Variants in RAB11B observed in about 807,000 individuals in gnomAD.
RAB11B encodes the protein ras-related protein Rab-11B.
Under a neutral mutation model 23.7 loss-of-function variants are expected in RAB11B, and 7 were observed. The observed-to-expected ratio is 0.29, with a 90% CI of 0.17 to 0.55. The LOEUF (loss-of-function observed/expected upper bound fraction) is 0.55, where lower values mean the gene tolerates loss of function less well. Among genes scored for constraint, RAB11B ranks in the 20% least tolerant of loss-of-function variants. The probability of loss-of-function intolerance (pLI) is 0.93; values close to 1 mark genes in which losing one functional copy is unlikely to be tolerated. For missense variants in RAB11B, 189 were observed against 320.0 expected (o/e 0.59, Z 3.12); for synonymous variants, 138 against 132.0 (o/e 1.05, Z -0.31).
chr19:8,392,685 CTTTTTTTT>C (rs74176644), intron 1 of RAB11B, among the ~76,000 whole-genome samples: 35 of 79,666 alleles, frequency 4.4e-4, no homozygotes, highest in African/African-American at 1.5e-3. Context: ...TTTTTCTTTT[CTTTTTTTT>C]TTTTTTTTTT....
Position 8,402,161 on chromosome 19 carries a change from C to T in RAB11B, c.312C>T (p.Arg104=). ...ACCTGACCTATGAGAACGTGGAGCG[C>T]TGGCTGAAGGAGCTGCGGGACCACG... is the stretch of plus-strand genomic sequence containing the variant. ...AKHLTYENVE[R]WLKELRDHAD... Residue 104 remains arginine, a synonymous_variant, in exon 3 of 5, where the codon CGC becomes CGT. Coordinates refer to ENST00000328024, the MANE Select transcript of RAB11B (RefSeq NM_004218.4). 1.2e-6 allele frequency: 2 copies of T among 1,607,044 alleles called. No homozygotes were observed. Among genetic ancestry groups the T allele is most frequent in the South Asian group, 1.1e-5 (1 of 89,670 alleles).
rs374700682 is a variant in RAB11B at position 8,393,532 on chromosome 19, C to G, written c.40+3076C>G. 1.9e-4 allele frequency among the ~76,000 whole-genome samples: 29 copies of G among 152,348 alleles called. No individual in the cohort carries two copies. In the East Asian group the frequency reaches 5.0e-3, roughly 26 times the overall value. The stretch of plus-strand genomic sequence containing the variant: ...GGCTCCTGAGGCAGCTCCCAGCCCT[C>G]AAGCCTGGGCAGACCTCACAGTGGG... On this transcript the variant is annotated intron_variant, in intron 1 of 4. Coordinates refer to ENST00000328024, the MANE Select transcript of RAB11B (RefSeq NM_004218.4).
chr19:8,402,162 T>C lies in RAB11B; in HGVS notation c.313T>C (p.Trp105Arg). 6.2e-7 allele frequency: 1 copy of C among 1,606,940 alleles called. No individual in the cohort carries two copies. Among genetic ancestry groups the C allele is most frequent in the Non-Finnish European group, 8.5e-7 (1 of 1,176,836 alleles). Residue 105 changes from tryptophan (W) to arginine (R), a missense_variant, in exon 3 of 5, where the codon TGG (tryptophan) becomes CGG (arginine). This residue lies in a region of RAB11B where 122 missense variants were observed against 170.8 expected (regional missense o/e 0.71). Coordinates refer to ENST00000328024, the MANE Select transcript of RAB11B (RefSeq NM_004218.4). ...CCTGACCTATGAGAACGTGGAGCGC[T>C]GGCTGAAGGAGCTGCGGGACCACGC... The part of the protein sequence containing the change: ...KHLTYENVER[W>R]LKELRDHADS...
intron 4 of RAB11B, 104 bp from the exon 5 acceptor site, chr19:8,403,309 G>A: frequency 7.0e-7 from 1 of 1,424,176 alleles, no homozygotes; most frequent in Non-Finnish European, 9.6e-7. Context: ...TGGGGGCGCT[G>A]TGGGGGTCTG....
rs539911756 is a variant in RAB11B at position 8,396,096 on chromosome 19, C to T, written c.41-3767C>T. 2.6e-5 allele frequency among the ~76,000 whole-genome samples: 4 copies of T among 152,202 alleles called. No homozygotes were observed. The highest frequency in any genetic ancestry group is 6.5e-5 in the Admixed American group (1 of 15,288). ...AAAAATGGGCTACAGGAGGCTTCTG[C>T]GAAGTAACGCACATCAAGAGCTTTG... is the stretch of plus-strand genomic sequence containing the variant. On this transcript the variant is annotated intron_variant, in intron 1 of 4. Transcript: ENST00000328024. This position sits in a 1 kb window ranked among gnomAD's most constrained non-coding sequence, Gnocchi z 5.0.
intron 1 of RAB11B, among the ~76,000 whole-genome samples, chr19:8,391,694 T>G (rs886503332): frequency 1.3e-5 from 2 of 152,114 alleles, no homozygotes; most frequent in African/African-American, 4.8e-5. Context: ...GCACATCAGC[T>G]GTTGGTATCC....
chr19:8,390,759 G>C (rs568918353), intron 1 of RAB11B: 1 of 322,786 alleles, frequency 3.1e-6, no homozygotes, highest in East Asian at 4.9e-5. Flanking sequence ...GGCCTCCGCA[G>C]GGGGTGGAGC....
chr19:8,395,650 T>G (rs2913973), intron 1 of RAB11B, among the ~76,000 whole-genome samples: 108,927 of 152,012 alleles, frequency 0.72, 39,403 homozygotes, highest in African/African-American at 0.74. Flanking sequence ...CTTAGGTCTT[T>G]CACGCCAGGC....
At chr19:8,390,570 C>A in intron 1 of RAB11B, 114 bp downstream of exon 1, 1 of 1,186,744 alleles carries the variant, frequency 8.4e-7, no homozygotes, top group Non-Finnish European at 1.1e-6. Context: ...GCTTGGGGCC[C>A]GGCGGGTCAG....
At chr19:8,397,887 G>A (rs996530254) in intron 1 of RAB11B, among the ~76,000 whole-genome samples, 3 of 152,088 alleles carry the variant, frequency 2.0e-5, no homozygotes, top group Non-Finnish European at 4.4e-5. Context: ...CTCAGTGGAT[G>A]CCCCCTAACT....
At chr19:8,399,723 C>A in intron 1 of RAB11B, 140 bp from the exon 2 acceptor site, 1 of 917,878 alleles carries the variant, frequency 1.1e-6, no homozygotes, top group Non-Finnish European at 1.7e-6. Flanking sequence ...TGCCTGCAGG[C>A]CCTGGGCTCC....
intron 1 of RAB11B, among the ~76,000 whole-genome samples, chr19:8,393,687 C>T (rs1054925145): frequency 4.6e-5 from 7 of 152,150 alleles, no homozygotes; most frequent in South Asian, 2.1e-4. Flanking sequence ...CCCCCAGTGC[C>T]GGTCCCTGGG....
intron 1 of RAB11B, among the ~76,000 whole-genome samples, chr19:8,394,861 C>T (rs1035400996): frequency 2.6e-5 from 4 of 152,184 alleles, no homozygotes; most frequent in African/African-American, 7.2e-5. Flanking sequence ...ACTCAGGAGG[C>T]GGAGAGTACA....
At chr19:8,399,755 C>A in intron 1 of RAB11B, 108 bp from the exon 2 acceptor site, 1 of 1,293,092 alleles carries the variant, frequency 7.7e-7, no homozygotes, top group Non-Finnish European at 1.1e-6. Context: ...GACTCCTCCA[C>A]ACCGTTGGCA....
intron 4 of RAB11B, chr19:8,402,885 A>C: frequency 2.1e-6 from 1 of 472,440 alleles, no homozygotes; most frequent in Non-Finnish European, 3.7e-6. Flanking sequence ...TTGATCTCGA[A>C]CTCCTGGGCT....
intron 1 of RAB11B, among the ~76,000 whole-genome samples, chr19:8,397,697 G>A (rs1178249105): frequency 6.6e-6 from 1 of 152,108 alleles, no homozygotes; most frequent in Non-Finnish European, 1.5e-5. Flanking sequence ...AGTGTGGCCA[G>A]GGGAAGGGCA....
At chr19:8,395,267 CT>C (rs1971387695) in intron 1 of RAB11B, among the ~76,000 whole-genome samples, 1 of 130,156 alleles carries the variant, frequency 7.7e-6, no homozygotes, top group African/African-American at 3.0e-5. Context: ...CTCTTTCCAT[CT>C]TTCTTTTTTT....
Position 8,403,733 on chromosome 19 carries a change from C to T in RAB11B, c.*175C>T. 3 of 905,020 alleles carry T rather than the reference C, an allele frequency of 3.3e-6. No homozygotes were observed. The highest frequency in any genetic ancestry group is 2.1e-5 in the South Asian group (1 of 47,804). The allele number at this position is 905,020 out of a possible 1,614,324, so 56.1% of individuals were successfully genotyped here. A position where few individuals can be genotyped will look rare whatever the true frequency, so the allele number is the denominator to read the frequency against. ...GGAGCCAGTGCTACCCCGTCCTGCC[C>T]GGGGAAAAGCTAGAAGCCCCGGTTT... On this transcript the variant is annotated 3_prime_UTR_variant, in exon 5 of 5. Transcript: ENST00000328024.
At chr19:8,402,875 T>C in intron 4 of RAB11B, 1 of 518,178 alleles carries the variant, frequency 1.9e-6, no homozygotes, top group East Asian at 3.5e-5. Context: ...GTTGTCCAGG[T>C]TGATCTCGAA....
Sources: allele counts gnomAD v4.1 joint callset (sites outside exome capture counted in the v4.1 genomes callset), GRCh38; gene constraint gnomAD v4.1.1; regional missense constraint gnomAD v4.1.1; non-coding constraint Gnocchi (gnomAD v3.1); transcripts MANE v1.5; gene names NCBI Gene and HGNC (gene_info 2026-07-23, HGNC 2026-07-21).